NLN: variants seen among roughly 807,000 people sequenced by gnomAD.
NLN encodes the protein neurolysin, also known as neurolysin, mitochondrial.
In NLN, 64 loss-of-function variants were observed where a neutral mutation model predicts 79.9. The observed-to-expected ratio is 0.80, with a 90% CI of 0.65 to 0.99. The LOEUF is 0.99. NLN is among the 50% of genes least tolerant of loss of function. NLN has a pLI of 0.00. For missense variants in NLN, 835 were observed against 858.7 expected (o/e 0.97, Z 0.34); for synonymous variants, 267 against 296.6 (o/e 0.90, Z 1.02).
Position 65,827,726 on chromosome 5 carries a change from A to T in NLN, c.*4811A>T, listed in dbSNP as rs1043459935. 3.3e-5 allele frequency: 5 copies of T among 152,224 alleles called. No individual in the cohort carries two copies. Among genetic ancestry groups the T allele is most frequent in the Non-Finnish European group, 5.9e-5 (4 of 68,036 alleles). 9.4% of individuals were successfully genotyped at this position (152,224 alleles called of 1,614,324 possible). On this transcript the variant is annotated 3_prime_UTR_variant, in exon 13 of 13. Transcript: ENST00000380985. ...GTATGATGATGTTATTAACATCTAA[A>T]ATTATTTTGGCCGGGCAAGGTGGGT...
At chr5:65,790,702 T>G (rs1455645544) in intron 8 of NLN, among the ~76,000 whole-genome samples, 3 of 152,212 alleles carry the variant, frequency 2.0e-5, no homozygotes, top group Non-Finnish European at 4.4e-5. Context: ...CACCTGCTGC[T>G]TTATGGACTT....
intron 12 of NLN, among the ~76,000 whole-genome samples, chr5:65,817,829 A>G (rs944815664): frequency 2.0e-5 from 3 of 152,240 alleles, no homozygotes; most frequent in East Asian, 1.9e-4. Context: ...TAGAGAATCT[A>G]TAATATAAAG....
intron 1 of NLN, 66 bp downstream of exon 1, chr5:65,722,480 G>A: frequency 1.4e-6 from 2 of 1,428,010 alleles, no homozygotes; most frequent in African/African-American, 1.5e-5. Flanking sequence ...TGTGGTGCCT[G>A]GAGCCCGGAC....
At chr5:65,731,579 A>G (rs973260773) in intron 1 of NLN, among the ~76,000 whole-genome samples, 5 of 151,926 alleles carry the variant, frequency 3.3e-5, no homozygotes, top group African/African-American at 1.2e-4. Context: ...TTTGGGGTAG[A>G]TTATTGTTGC....
intron 1 of NLN, among the ~76,000 whole-genome samples, chr5:65,745,693 A>G (rs1415971259): frequency 6.6e-6 from 1 of 152,214 alleles, no homozygotes; most frequent in Non-Finnish European, 1.5e-5. Context: ...AAAGGATGGC[A>G]CTGAGAAAGC....
rs1579980442 is a variant in NLN, at chr5:65,826,616, A to C, written c.*3701A>C. 6.6e-6 allele frequency: 1 copy of C among 152,360 alleles called. No individual in the cohort carries two copies. The highest frequency in any genetic ancestry group is 1.9e-4 in the East Asian group (1 of 5,188). The allele number at this position is 152,360 out of a possible 1,614,324, so 9.4% of individuals were successfully genotyped here. A position where few individuals can be genotyped will look rare whatever the true frequency, so the allele number is the denominator to read the frequency against. On this transcript the variant is annotated 3_prime_UTR_variant, in exon 13 of 13. Coordinates refer to ENST00000380985, the MANE Select transcript of NLN (RefSeq NM_020726.5). ...ATAAATGTGTGGTGAGAATAAAAGC[A>C]ACAAAGAAATGAATGTGGTGGCTCA...
intron 9 of NLN, among the ~76,000 whole-genome samples, chr5:65,802,971 G>A (rs1443568019): frequency 1.3e-5 from 2 of 151,694 alleles, no homozygotes; most frequent in Non-Finnish European, 2.9e-5. Flanking sequence ...TGATCGTCCC[G>A]ATGTCTGCTC....
At chr5:65,774,550 G>A (rs1759638256) in intron 3 of NLN, among the ~76,000 whole-genome samples, 1 of 152,042 alleles carries the variant, frequency 6.6e-6, no homozygotes, top group Non-Finnish European at 1.5e-5. Flanking sequence ...TGCTTAAGTA[G>A]CACATTTTAG....
chr5:65,737,249 A>C (rs1046872592), intron 1 of NLN, among the ~76,000 whole-genome samples: 6 of 152,158 alleles, frequency 3.9e-5, no homozygotes, highest in African/African-American at 1.4e-4. Context: ...TTATCCCCTC[A>C]CTTAAAGGGG....
intron 1 of NLN, among the ~76,000 whole-genome samples, chr5:65,725,877 C>T (rs550094623): frequency 2.6e-5 from 4 of 152,268 alleles, no homozygotes; most frequent in African/African-American, 9.6e-5. Flanking sequence ...CTTTGGGAGG[C>T]CATGGCAGGT....
chr5:65,799,381 G>GA (rs1336773406), intron 9 of NLN, among the ~76,000 whole-genome samples: 2 of 152,024 alleles, frequency 1.3e-5, no homozygotes, highest in Admixed American at 6.6e-5. Flanking sequence ...TTTAAGTATT[G>GA]AAAAAAAGTA....
intron 5 of NLN, among the ~76,000 whole-genome samples, chr5:65,780,998 T>C (rs989004646): frequency 1.3e-5 from 2 of 152,188 alleles, no homozygotes; most frequent in Admixed American, 1.3e-4. Context: ...CACTTAATTT[T>C]GCCTGTTCTC....
At chr5:65,734,490 C>T (rs1460122741) in intron 1 of NLN, among the ~76,000 whole-genome samples, 3 of 147,150 alleles carry the variant, frequency 2.0e-5, no homozygotes, top group Non-Finnish European at 4.5e-5. Flanking sequence ...CAGGAGTTAC[C>T]CTCGCACGGA....
At chr5:65,731,102 T>C (rs1758593632) in intron 1 of NLN, among the ~76,000 whole-genome samples, 1 of 152,188 alleles carries the variant, frequency 6.6e-6, no homozygotes, top group African/African-American at 2.4e-5. Context: ...CTCTCTCACA[T>C]GTTTGGTGAT....
At chr5:65,771,092 A>G (rs1759556577) in intron 3 of NLN, among the ~76,000 whole-genome samples, 1 of 152,172 alleles carries the variant, frequency 6.6e-6, no homozygotes, top group Non-Finnish European at 1.5e-5. Flanking sequence ...CTCACTACAT[A>G]TATATAGTTA....
rs781606442 is a variant in NLN, at chr5:65,809,620, T to C, written c.1633T>C (p.Leu545=). The C allele has an allele frequency of 3.7e-6, 6 of 1,614,024 alleles. No individual in the cohort carries two copies. In the East Asian group the frequency reaches 6.7e-5, roughly 18 times the overall value. The stretch of plus-strand genomic sequence containing the variant: ...GTGGGACGTCGATTCCCTCCGAAGA[T>C]TGTCAAAACATTATAAAGATGGAAG... ...WVWDVDSLRR[L]SKHYKDGSPI... The change falls in exon 10 of 13, where the codon TTG becomes CTG. Residue 545 remains leucine, a synonymous_variant. Transcript: ENST00000380985.
chr5:65,816,190 C>CA (rs200537921), intron 12 of NLN, among the ~76,000 whole-genome samples: 1,928 of 147,034 alleles, frequency 0.013, 20 homozygotes, highest in African/African-American at 0.029. Context: ...AAACTCATCT[C>CA]AAAAAAAAAA....
At chr5:65,723,814 CAAAAAAA>C (rs760572199) in intron 1 of NLN, among the ~76,000 whole-genome samples, 75 of 55,324 alleles carry the variant, frequency 1.4e-3, no homozygotes, top group African/African-American at 4.3e-3. Context: ...GACTCCGTCT[CAAAAAAA>C]AAAAAAAAAA....
chr5:65,723,071 A>G (rs1270047058), intron 1 of NLN: 1 of 152,274 alleles, frequency 6.6e-6, no homozygotes, highest in Non-Finnish European at 1.5e-5. Context: ...GCAACAGACC[A>G]GTAGCAAGAT....
Sources: allele counts gnomAD v4.1 joint callset (sites outside exome capture counted in the v4.1 genomes callset), GRCh38; gene constraint gnomAD v4.1.1; transcripts MANE v1.5; gene names NCBI Gene and HGNC (gene_info 2026-07-23, HGNC 2026-07-21).